EPB41L4A: variants seen among roughly 807,000 people sequenced by gnomAD.
The protein encoded by EPB41L4A is band 4.1-like protein 4A.
Under a neutral mutation model 108.6 loss-of-function variants are expected in EPB41L4A, and 100 were observed. The ratio of observed to expected loss-of-function variants is 0.92; its 90% CI spans 0.78 to 1.09. The LOEUF (loss-of-function observed/expected upper bound fraction) is 1.09. EPB41L4A is among the 50% of genes least tolerant of loss of function. EPB41L4A has a pLI of 0.00. For synonymous variants in EPB41L4A, 319 were observed against 289.0 expected, an observed-to-expected ratio of 1.10 and a Z score of -1.05; for missense variants, 1,030 against 842.7, an observed-to-expected ratio of 1.22 and a Z score of -2.75.
intron 1 of EPB41L4A, among the ~76,000 whole-genome samples, chr5:112,312,653 G>A (rs1755124655): frequency 6.6e-6 from 1 of 152,212 alleles, no homozygotes; most frequent in South Asian, 2.1e-4. Flanking sequence ...ATGGATGCCA[G>A]AGGTAAATTA....
intron 1 of EPB41L4A, among the ~76,000 whole-genome samples, chr5:112,336,658 G>C (rs565102747): frequency 1.3e-5 from 2 of 152,314 alleles, no homozygotes; most frequent in East Asian, 3.9e-4. Context: ...GTTAGTCAGG[G>C]TGTGAGAGGC....
chr5:112,195,358 C>A (rs1048789863), intron 16 of EPB41L4A, among the ~76,000 whole-genome samples: 2 of 151,720 alleles, frequency 1.3e-5, no homozygotes, highest in Non-Finnish European at 2.9e-5. Flanking sequence ...GCTGCCTGTT[C>A]AATGGACAGA....
chr5:112,300,101 CA>C (rs1277031738), intron 2 of EPB41L4A, among the ~76,000 whole-genome samples: 15 of 152,162 alleles, frequency 9.9e-5, no homozygotes, highest in Non-Finnish European at 1.9e-4. Context: ...ATCCATTCTG[CA>C]ATTCTGTATC....
At chr5:112,295,264 G>A (rs559392071) in intron 2 of EPB41L4A, among the ~76,000 whole-genome samples, 1 of 152,328 alleles carries the variant, frequency 6.6e-6, no homozygotes, top group East Asian at 1.9e-4. Context: ...AGTTGGGAAT[G>A]ACACCCAAGA....
At chr5:112,241,196 G>C (rs1467087729) in intron 9 of EPB41L4A, among the ~76,000 whole-genome samples, 1 of 152,096 alleles carries the variant, frequency 6.6e-6, no homozygotes, top group Non-Finnish European at 1.5e-5. Context: ...GTCCTTAAGT[G>C]TATTACTTTC....
chr5:112,390,522 G>A (rs944664998), intron 1 of EPB41L4A, among the ~76,000 whole-genome samples: 4 of 152,194 alleles, frequency 2.6e-5, no homozygotes, highest in Non-Finnish European at 5.9e-5. Context: ...TAAAGCTTGA[G>A]TAGGTAAATA....
chr5:112,387,802 G>A (rs998024062), intron 1 of EPB41L4A, among the ~76,000 whole-genome samples: 2 of 152,080 alleles, frequency 1.3e-5, no homozygotes, highest in African/African-American at 4.8e-5. Flanking sequence ...TTTGTTAATT[G>A]TCCATTTTAT....
At chr5:112,238,192 T>C (rs1039622969) in intron 11 of EPB41L4A, among the ~76,000 whole-genome samples, 1 of 152,188 alleles carries the variant, frequency 6.6e-6, no homozygotes, top group African/African-American at 2.4e-5. Context: ...ATCCTGGTGA[T>C]GTTTTATGCC....
At chr5:112,356,161 A>G (rs1389693987) in intron 1 of EPB41L4A, among the ~76,000 whole-genome samples, 2 of 152,162 alleles carry the variant, frequency 1.3e-5, no homozygotes, top group African/African-American at 4.8e-5. Flanking sequence ...CATTGTGGGT[A>G]GAAGTCCCAC....
At chr5:112,212,828 T>C (rs1257642702) in intron 12 of EPB41L4A, among the ~76,000 whole-genome samples, 1 of 152,096 alleles carries the variant, frequency 6.6e-6, no homozygotes, top group African/African-American at 2.4e-5. Flanking sequence ...CCTGAGTAAC[T>C]AGCTTAAGAA....
rs543449149 is a variant in EPB41L4A, at chr5:112,368,400, C to CT, written c.99+50540dup. Among the ~76,000 whole-genome samples, 213 of 152,236 alleles carry CT rather than the reference C, an allele frequency of 1.4e-3. 3 individuals are homozygous for CT. Among genetic ancestry groups the CT allele is most frequent in the Admixed American group, 0.014 (210 of 15,274 alleles). On this transcript the variant is annotated intron_variant, in intron 1 of 22. Coordinates refer to ENST00000261486, the MANE Select transcript of EPB41L4A (RefSeq NM_022140.5). ...GTTGTCCCCTCTCCCCTATTGCCAC[C>CT]TTGGTCCCATTAGCTTGCCCTTTCA...
Position 112,205,448 on chromosome 5 carries a change from G to T in EPB41L4A, c.1235C>A (p.Ala412Glu). 6 of 1,613,848 alleles carry T rather than the reference G, an allele frequency of 3.7e-6. No homozygotes were observed. Among genetic ancestry groups the T allele is most frequent in the Non-Finnish European group, 5.1e-6 (6 of 1,179,894 alleles). Residue 412 changes from alanine (A) to glutamate (E), a missense_variant, in exon 14 of 23, where the codon GCA becomes GAA. Ala to Glu is a moderately radical substitution (Grantham distance 107). Transcript: ENST00000261486. ...SPDTQRSKSH[A>E]PWEENGPQSG... Reference sequence around the variant, plus strand: ...CTGGGGGCCATTTTCTTCCCACGGTGCATGAGATTTGCTTCTTTGGGTATC... The same window carrying T: ...CTGGGGGCCATTTTCTTCCCACGGTTCATGAGATTTGCTTCTTTGGGTATC...
At chr5:112,245,719 G>GA (rs1750160611) in intron 9 of EPB41L4A, among the ~76,000 whole-genome samples, 1 of 152,204 alleles carries the variant, frequency 6.6e-6, no homozygotes, top group Admixed American at 6.5e-5. Flanking sequence ...GCAGGTCAGA[G>GA]AGCCAGAGAG....
chr5:112,204,466 C>T lies in EPB41L4A; in HGVS notation c.1285G>A (p.Asp429Asn), dbSNP rs755269162. 1 of 1,613,224 alleles carries T rather than the reference C, an allele frequency of 6.2e-7. No homozygotes were observed. Among genetic ancestry groups the T allele is most frequent in the Non-Finnish European group, 8.5e-7 (1 of 1,179,364 alleles). ...GGGAACTTTGGCGACTTAGTGCGAT[C>T]ACTGGGAGAATTGTAGAGTCCACTG... ...PQSGLYNSPSDRTKSPKFPYT... is the reference protein window; with the variant it reads ...PQSGLYNSPSNRTKSPKFPYT... The change falls in exon 15 of 23, where the codon GAT (aspartate) becomes AAT (asparagine). Residue 429 changes from aspartate to asparagine, a missense_variant. Transcript: ENST00000261486.
At chr5:112,219,147 G>C (rs1747863541) in intron 12 of EPB41L4A, among the ~76,000 whole-genome samples, 1 of 152,132 alleles carries the variant, frequency 6.6e-6, no homozygotes, top group Admixed American at 6.5e-5. Flanking sequence ...AAGTTGATAT[G>C]GTTTGGCTGT....
intron 17 of EPB41L4A, 33 bp from the exon 18 acceptor site, chr5:112,184,168 T>G (rs1236859890): frequency 6.2e-7 from 1 of 1,609,024 alleles, no homozygotes; most frequent in African/African-American, 1.3e-5. Context: ...GAAGTTAACA[T>G]CTACATGGAT....
At chr5:112,374,791 T>C (rs1759708120) in intron 1 of EPB41L4A, among the ~76,000 whole-genome samples, 2 of 152,234 alleles carry the variant, frequency 1.3e-5, no homozygotes, top group South Asian at 4.1e-4. Flanking sequence ...ATTTAAAACA[T>C]TATTTTTCTC....
intron 2 of EPB41L4A, among the ~76,000 whole-genome samples, chr5:112,306,325 T>C (rs1449758479): frequency 1.3e-5 from 2 of 152,126 alleles, no homozygotes; most frequent in African/African-American, 4.8e-5. Flanking sequence ...TTTTGCAACA[T>C]GCCATAATGA....
At chr5:112,151,824 G>C (rs568355672) in intron 12 of EPB41L4A, among the ~76,000 whole-genome samples, 1 of 151,748 alleles carries the variant, frequency 6.6e-6, no homozygotes, top group South Asian at 2.1e-4. Context: ...TCCGCCTCCC[G>C]GATTCAAGCT....
Sources: allele counts gnomAD v4.1 joint callset (sites outside exome capture counted in the v4.1 genomes callset), GRCh38; gene constraint gnomAD v4.1.1; transcripts MANE v1.5; gene names NCBI Gene and HGNC (gene_info 2026-07-23, HGNC 2026-07-21).